Variants in PDZD2 observed in about 807,000 individuals in gnomAD.
PDZD2 encodes PDZ domain-containing protein 2.
A neutral mutation model predicts 220.7 loss-of-function variants in PDZD2; 90 were observed. That is an observed-to-expected ratio of 0.41 (90% CI 0.34 to 0.49). The LOEUF is 0.49. Ranked by LOEUF, PDZD2 falls within the 20% of genes least tolerant of loss-of-function variation. PDZD2 has a pLI of 0.28. For synonymous variants in PDZD2, 1,375 were observed against 1,450.5 expected, an observed-to-expected ratio of 0.95 and a Z score of 1.18; for missense variants, 3,174 against 3,608.5, an observed-to-expected ratio of 0.88 and a Z score of 3.08.
intron 2 of PDZD2, among the ~76,000 whole-genome samples, chr5:31,922,704 T>C (rs1744379302): frequency 6.6e-6 from 1 of 152,114 alleles, no homozygotes; most frequent in Non-Finnish European, 1.5e-5. Context: ...AGTCTTACTC[T>C]GTCTACCAGG....
rs904351325 is a variant in PDZD2, at chr5:31,779,414, G to A, written c.-360-19475G>A. Among the ~76,000 whole-genome samples the A allele has an allele frequency of 8.9e-5, 11 of 123,420 alleles. No homozygotes were observed. In the East Asian group the frequency reaches 1.3e-3, roughly 15 times the overall value. The allele number at this position is 123,420 out of a possible 152,430, so 81.0% of individuals were successfully genotyped here. ...TTTTTGAGATGGAGTCTTGCTGGTC[G>A]CCCAGGCTGGAGTGCAGTGGCGCAA... On this transcript the variant is annotated intron_variant, in intron 1 of 24. Transcript: ENST00000438447.
intron 6 of PDZD2, among the ~76,000 whole-genome samples, chr5:32,016,301 C>G (rs1048731818): frequency 6.6e-6 from 1 of 152,174 alleles, no homozygotes; most frequent in African/African-American, 2.4e-5. Context: ...GCAGTAAGGA[C>G]TTCTGTTACA....
intron 3 of PDZD2, among the ~76,000 whole-genome samples, chr5:31,985,513 A>G (rs1338587142): frequency 1.3e-5 from 2 of 151,818 alleles, no homozygotes; most frequent in Non-Finnish European, 2.9e-5. Context: ...TGGCCAACAT[A>G]GCAAAACCAA....
chr5:32,003,467 C>T (rs1359279701), intron 5 of PDZD2, among the ~76,000 whole-genome samples: 2 of 124,498 alleles, frequency 1.6e-5, no homozygotes, highest in Non-Finnish European at 3.4e-5. Flanking sequence ...CACACCCACC[C>T]CCCCCACACC....
chr5:31,746,819 G>T (rs918777635), intron 1 of PDZD2, among the ~76,000 whole-genome samples: 3 of 152,196 alleles, frequency 2.0e-5, no homozygotes, highest in African/African-American at 7.2e-5. Context: ...TTCGTGGCAG[G>T]AGTCCCTGTA....
rs750230390 is a variant in PDZD2 at position 32,098,390 on chromosome 5, G to A, written c.7974G>A (p.Ala2658=). 62 of 1,613,980 alleles carry A rather than the reference G, an allele frequency of 3.8e-5. 1 individual carries two copies. The East Asian group carries it at 6.7e-4, about 17-fold the overall frequency. ...ITVHRVFSQG[A]ASQEGTMNRG... ...TCCACAGGGTGTTTTCTCAGGGGGC[G>A]GCTTCTCAGGAAGGGACTATGAACC... Residue 2658 remains alanine (A), a synonymous_variant, in exon 23 of 25, where the codon GCG becomes GCA. Transcript: ENST00000438447. The surrounding 1 kb of genome is among the most constrained non-coding windows in gnomAD (Gnocchi z 4.1).
chr5:31,655,170 T>C (rs1745499893), intron 1 of PDZD2, among the ~76,000 whole-genome samples: 1 of 151,788 alleles, frequency 6.6e-6, no homozygotes, highest in Non-Finnish European at 1.5e-5. Flanking sequence ...CAGATTTTTG[T>C]TTTGTTTTTG....
intron 1 of PDZD2, among the ~76,000 whole-genome samples, chr5:31,647,533 A>T (rs967311): frequency 0.65 from 99,011 of 152,056 alleles, 34,492 homozygotes; most frequent in Non-Finnish European, 0.78. Flanking sequence ...AGCTGTGGAC[A>T]TTCCTTGCAC....
intron 5 of PDZD2, among the ~76,000 whole-genome samples, chr5:32,005,540 GAGA>G (rs1183513671): frequency 8.1e-5 from 12 of 147,720 alleles, no homozygotes; most frequent in South Asian, 2.1e-4. Context: ...AAAAAAAACA[GAGA>G]AGAAGAAGAT....
intron 2 of PDZD2, among the ~76,000 whole-genome samples, chr5:31,921,279 A>G (rs1479905465): frequency 1.3e-5 from 2 of 152,186 alleles, no homozygotes; most frequent in Non-Finnish European, 2.9e-5. Context: ...AAAATCCTCA[A>G]TATTCTCTGC....
chr5:31,941,312 A>G (rs1746197395), intron 2 of PDZD2, among the ~76,000 whole-genome samples: 1 of 152,222 alleles, frequency 6.6e-6, no homozygotes, highest in Admixed American at 6.5e-5. Context: ...TTCAGTTCCC[A>G]GACGACTGCC....
rs766349870 is a variant in PDZD2, at chr5:32,074,420, G to A, written c.3314G>A (p.Ser1105Asn). The A allele has an allele frequency of 3.7e-6, 6 of 1,614,202 alleles. No individual in the cohort carries two copies. The Admixed American group carries it at 1.0e-4, about 27-fold the overall frequency. Residue 1105 changes from serine to asparagine, a missense_variant, in exon 18 of 25, where the codon AGT becomes AAT. By Grantham distance (46) the Ser-to-Asn change is conservative. Coordinates refer to ENST00000438447, the MANE Select transcript of PDZD2 (RefSeq NM_178140.4). The stretch of plus-strand genomic sequence containing the variant: ...AGTCCGACGAACACTGGGAGCCCCA[G>A]TTCCCCCCAGCAGAAAAGTGAAGGC... ...TQSPTNTGSP[S>N]SPQQKSEGLG...
At position 31,639,531 on chromosome 5, in the gene PDZD2, G is replaced by GA. The variant is rs1353995475; in HGVS notation, c.-361+97dup. On this transcript the variant is annotated intron_variant, in intron 1 of 24. Coordinates refer to ENST00000438447, the MANE Select transcript of PDZD2 (RefSeq NM_178140.4). The surrounding 1 kb of genome is among the most constrained non-coding windows in gnomAD (Gnocchi z 4.1). ...CACCCCCGAGACCGTGTGTGCCCAG[G>GA]AAAGTTTAGCTACAAATCCGGGTGC... 6.6e-6 allele frequency: 1 copy of GA among 152,040 alleles called. No homozygotes were observed. Among genetic ancestry groups the GA allele is most frequent in the African/African-American group, 2.4e-5 (1 of 41,434 alleles). The allele number at this position is 152,040 out of a possible 1,614,324, so 9.4% of individuals were successfully genotyped here. A position where few individuals can be genotyped will look rare whatever the true frequency, so the allele number is the denominator to read the frequency against.
intron 4 of PDZD2, among the ~76,000 whole-genome samples, chr5:31,999,807 T>A (rs1751955586): frequency 6.6e-6 from 1 of 152,168 alleles, no homozygotes. Context: ...AAGAAACGAA[T>A]GACTCGACTC....
intron 18 of PDZD2, among the ~76,000 whole-genome samples, chr5:32,075,635 A>T (rs1218290697): frequency 1.3e-5 from 2 of 152,206 alleles, no homozygotes; most frequent in Non-Finnish European, 2.9e-5. Flanking sequence ...ATTTTTAAAA[A>T]TGTTCAATAT....
intron 2 of PDZD2, among the ~76,000 whole-genome samples, chr5:31,856,908 C>CTATATATATATATATATATA (rs61675053): frequency 2.8e-5 from 4 of 140,666 alleles, no homozygotes; most frequent in African/African-American, 7.6e-5. Flanking sequence ...CTTATCAAAA[C>CTATATATATATATATATATA]TATATATATA....
rs141214366 is a variant in PDZD2 at position 31,696,143 on chromosome 5, G to T, written c.-361+56706G>T. 2.0e-5 allele frequency among the ~76,000 whole-genome samples: 3 copies of T among 152,226 alleles called. No homozygotes were observed. The East Asian group carries it at 5.8e-4, about 29-fold the overall frequency. ...TGGTGATGGGAATAGTGAGAGAAAG[G>T]TCCCAGTTAATCATACAGCATGTGG... On this transcript the variant is annotated intron_variant, in intron 1 of 24. Transcript: ENST00000438447.
chr5:31,732,709 A>G (rs1749605532), intron 1 of PDZD2, among the ~76,000 whole-genome samples: 1 of 152,324 alleles, frequency 6.6e-6, no homozygotes, highest in African/African-American at 2.4e-5. Flanking sequence ...GAGTAGGGAA[A>G]ATATCAGGAG....
intron 2 of PDZD2, among the ~76,000 whole-genome samples, chr5:31,943,152 G>A (rs956988752): frequency 6.6e-6 from 1 of 151,198 alleles, no homozygotes; most frequent in Admixed American, 6.6e-5. Flanking sequence ...GCAGTGAGTC[G>A]AGATTGTGCC....
Sources: gnomAD v4.1 joint callset for allele counts (sites outside exome capture counted in the v4.1 genomes callset) on GRCh38, gnomAD v4.1.1 for gene constraint, Gnocchi (gnomAD v3.1) non-coding constraint, MANE v1.5 for transcripts, NCBI Gene and HGNC (gene_info 2026-07-23, HGNC 2026-07-21) for gene names.